ULK4: variants seen among roughly 807,000 people sequenced by gnomAD.
The protein encoded by ULK4 is inactive serine/threonine-protein kinase ULK4.
In ULK4, 133 loss-of-function variants were observed where a neutral mutation model predicts 160.6. The observed-to-expected ratio is 0.83, with a 90% confidence interval of 0.72 to 0.96. The LOEUF (loss-of-function observed/expected upper bound fraction) is 0.96, where lower values mean the gene tolerates loss of function less well. Ranked by LOEUF, ULK4 falls within the 40% of genes least tolerant of loss-of-function variation. The pLI is 0.00. For synonymous variants in ULK4, 534 were observed against 539.8 expected, an observed-to-expected ratio of 0.99 and a Z score of 0.15; for missense variants, 1,580 against 1,499.5, an observed-to-expected ratio of 1.05 and a Z score of -0.89.
At chr3:41,439,774 A>G (rs2083121507) in intron 34 of ULK4, among the ~76,000 whole-genome samples, 1 of 152,156 alleles carries the variant, frequency 6.6e-6, no homozygotes, top group South Asian at 2.1e-4. Flanking sequence ...GTCTGCTGGG[A>G]TTTTGACTGG....
chr3:41,464,797 G>A (rs189084186), intron 32 of ULK4, among the ~76,000 whole-genome samples: 36 of 152,298 alleles, frequency 2.4e-4, no homozygotes, highest in Admixed American at 2.2e-3. Flanking sequence ...CAGCAAAGAA[G>A]GATATGGTTC....
At chr3:41,446,004 C>T (rs1301537334) in intron 34 of ULK4, among the ~76,000 whole-genome samples, 1 of 152,010 alleles carries the variant, frequency 6.6e-6, no homozygotes, top group African/African-American at 2.4e-5. Flanking sequence ...CAAGAATCTA[C>T]AATGAACTCA....
intron 32 of ULK4, among the ~76,000 whole-genome samples, chr3:41,561,234 A>T (rs1460026718): frequency 6.6e-6 from 1 of 152,146 alleles, no homozygotes; most frequent in Non-Finnish European, 1.5e-5. Context: ...GTGTTGGGTA[A>T]GCTTTCTGAT....
chr3:41,861,947 G>A (rs1409588021), intron 17 of ULK4, among the ~76,000 whole-genome samples: 2 of 152,004 alleles, frequency 1.3e-5, no homozygotes, highest in Admixed American at 6.6e-5. Context: ...ACAGCTTCCA[G>A]AGTACAGGCT....
At chr3:41,820,822 A>G (rs983190386) in intron 18 of ULK4, among the ~76,000 whole-genome samples, 37 of 152,212 alleles carry the variant, frequency 2.4e-4, no homozygotes, top group Admixed American at 1.0e-3. Flanking sequence ...TTACTAATCC[A>G]AAAGTATTTT....
At chr3:41,761,347 ATATG>A (rs1467945357) in intron 21 of ULK4, among the ~76,000 whole-genome samples, 1 of 148,618 alleles carries the variant, frequency 6.7e-6, no homozygotes, top group Admixed American at 6.8e-5. Context: ...TATCATACAT[ATATG>A]TATATGTATT....
At position 41,858,075 on chromosome 3, in the gene ULK4, C is replaced by T. The variant is rs760428332; in HGVS notation, c.1657-22104G>A. 7.3e-5 allele frequency among the ~76,000 whole-genome samples: 11 copies of T among 149,726 alleles called. No individual in the cohort carries two copies. The East Asian group carries it at 7.8e-4, about 11-fold the overall frequency. On this transcript the variant is annotated intron_variant, in intron 17 of 36. Transcript: ENST00000301831. ...CATTTGAAGTTTTTCCTCTTTTTGA[C>T]GTAGGCACTTATAGCTATAAAATTA...
intron 34 of ULK4, among the ~76,000 whole-genome samples, chr3:41,413,823 C>T (rs2082463713): frequency 6.6e-6 from 1 of 152,280 alleles, no homozygotes; most frequent in Admixed American, 6.5e-5. Flanking sequence ...CTTCATGCTT[C>T]CCACTTTATT....
intron 35 of ULK4, among the ~76,000 whole-genome samples, chr3:41,360,392 T>G (rs2081118225): frequency 6.6e-6 from 1 of 152,200 alleles, no homozygotes; most frequent in Non-Finnish European, 1.5e-5. Context: ...GAAATACCAT[T>G]TAACCCAGCA....
chr3:41,444,111 C>T (rs976066065), intron 34 of ULK4, among the ~76,000 whole-genome samples: 7 of 152,104 alleles, frequency 4.6e-5, no homozygotes, highest in African/African-American at 7.2e-5. Context: ...ATAAGGCTTT[C>T]GATACAGACC....
In ULK4 at chr3:41,715,952, G is replaced by A. The variant is rs142542148; in HGVS notation, c.2456-384C>T. 1.7e-3 allele frequency among the ~76,000 whole-genome samples: 263 copies of A among 151,906 alleles called. 1 individual carries two copies. Among genetic ancestry groups the A allele is most frequent in the Non-Finnish European group, 2.7e-3 (182 of 67,954 alleles). On this transcript the variant is annotated intron_variant, in intron 23 of 36. Transcript: ENST00000301831. ...AAATGGGCCAGGCGCAGTGGCTCAT[G>A]CCTGTAATCCTAGCACTTTGGGAGG...
chr3:41,919,828 A>G lies in ULK4; in HGVS notation c.542-10T>C, dbSNP rs1384605851. On this transcript the variant is annotated splice_polypyrimidine_tract_variant and intron_variant, in intron 5 of 36. Transcript: ENST00000301831. ...GTATATACAGGAGATCCTAAAAGCA[A>G]AGTATGAAGAACAGCTCGGTTAGGC... is the stretch of plus-strand genomic sequence containing the variant. The G allele has an allele frequency of 6.2e-7, 1 of 1,600,592 alleles. No individual in the cohort carries two copies. The highest frequency in any genetic ancestry group is 8.6e-7 in the Non-Finnish European group (1 of 1,169,064).
At chr3:41,432,855 C>T (rs550456783) in intron 34 of ULK4, among the ~76,000 whole-genome samples, 1 of 150,642 alleles carries the variant, frequency 6.6e-6, no homozygotes, top group Admixed American at 6.6e-5. Flanking sequence ...CTATTCCTTA[C>T]AATAAAATAA....
chr3:41,922,563 G>A (rs764839815), intron 5 of ULK4, among the ~76,000 whole-genome samples: 4 of 148,584 alleles, frequency 2.7e-5, no homozygotes, highest in Admixed American at 6.7e-5. Flanking sequence ...GCAGGAAATC[G>A]TGAAGACAGG....
At chr3:41,925,903 G>C (rs1575961898) in intron 5 of ULK4, among the ~76,000 whole-genome samples, 2 of 152,192 alleles carry the variant, frequency 1.3e-5, no homozygotes, top group Non-Finnish European at 2.9e-5. Flanking sequence ...CCTGGGAGAA[G>C]GGGTGGCTGT....
rs370546750 is a variant in ULK4, at chr3:41,827,578, A to G, written c.1765-8072T>C. ...AATGGATAAATTCCTCGACATATACACCCTCCCAAGACTAAACCAGGAAGA... is the reference window on the plus strand; with the variant it reads ...AATGGATAAATTCCTCGACATATACGCCCTCCCAAGACTAAACCAGGAAGA... On this transcript the variant is annotated intron_variant, in intron 18 of 36. Coordinates refer to ENST00000301831, the MANE Select transcript of ULK4 (RefSeq NM_017886.4). Among the ~76,000 whole-genome samples, 1,149 of 152,116 alleles carry G rather than the reference A, an allele frequency of 7.6e-3. 41 individuals are homozygous for G. The East Asian group carries it at 0.12, about 16-fold the overall frequency.
At chr3:41,750,726 T>A (rs1488837062) in intron 22 of ULK4, among the ~76,000 whole-genome samples, 1 of 152,046 alleles carries the variant, frequency 6.6e-6, no homozygotes, top group East Asian at 1.9e-4. Flanking sequence ...CCGGGTGTGG[T>A]GGCTCACATC....
chr3:41,603,319 C>A (rs2032207792), intron 31 of ULK4, among the ~76,000 whole-genome samples: 1 of 151,792 alleles, frequency 6.6e-6, no homozygotes, highest in Non-Finnish European at 1.5e-5. Flanking sequence ...ATGAAACAAG[C>A]AACAAAGGTG....
chr3:41,671,969 T>C (rs951467632), intron 29 of ULK4, among the ~76,000 whole-genome samples: 4 of 151,980 alleles, frequency 2.6e-5, no homozygotes, highest in Admixed American at 2.0e-4. Context: ...AACGGGTACA[T>C]GAAAAAATGC....
Sources: gnomAD v4.1 joint callset for allele counts (sites outside exome capture counted in the v4.1 genomes callset) on GRCh38, gnomAD v4.1.1 for gene constraint, MANE v1.5 for transcripts, NCBI Gene and HGNC (gene_info 2026-07-23, HGNC 2026-07-21) for gene names.